Variants in ANTXR2 observed in about 807,000 individuals in gnomAD.
ANTXR2 encodes the protein anthrax toxin receptor 2.
In ANTXR2, 44 loss-of-function variants were observed where a neutral mutation model predicts 73.7. The observed-to-expected ratio is 0.60, with a 90% CI of 0.47 to 0.77. The LOEUF is 0.77. Ranked by LOEUF, ANTXR2 falls within the 30% of genes least tolerant of loss-of-function variation. The pLI is 0.00. For synonymous variants in ANTXR2, 217 were observed against 205.9 expected (o/e 1.05, Z -0.46); for missense variants, 604 against 592.5 (o/e 1.02, Z -0.20).
intron 10 of ANTXR2, among the ~76,000 whole-genome samples, chr4:80,028,187 T>A (rs1460557636): frequency 6.6e-6 from 1 of 152,092 alleles, no homozygotes; most frequent in Non-Finnish European, 1.5e-5. Flanking sequence ...TAAATACAGA[T>A]CTCTGTATCA....
intron 16 of ANTXR2, among the ~76,000 whole-genome samples, chr4:79,912,213 T>C (rs547981531): frequency 6.6e-6 from 1 of 151,952 alleles, no homozygotes; most frequent in African/African-American, 2.4e-5. Context: ...CTTTATGCTA[T>C]AGCGAAATAC....
intron 3 of ANTXR2, among the ~76,000 whole-genome samples, chr4:80,067,553 C>G (rs879517334): frequency 3.9e-5 from 6 of 152,106 alleles, no homozygotes; most frequent in Non-Finnish European, 5.9e-5. Context: ...TGGCTAGATA[C>G]AAGGCTGTTT....
chr4:80,008,935 T>C (rs780041908), intron 11 of ANTXR2, among the ~76,000 whole-genome samples: 1 of 152,216 alleles, frequency 6.6e-6, no homozygotes, highest in Non-Finnish European at 1.5e-5. Flanking sequence ...CTATCTTTCA[T>C]GTAAGGATTA....
intron 2 of ANTXR2, among the ~76,000 whole-genome samples, chr4:80,070,521 TG>T (rs1254014112): frequency 1.3e-5 from 2 of 152,230 alleles, no homozygotes; most frequent in Non-Finnish European, 2.9e-5. Flanking sequence ...CATAGGATCT[TG>T]TTTGTTTTTC....
chr4:80,048,697 G>A (rs1015552441), intron 7 of ANTXR2, among the ~76,000 whole-genome samples: 3 of 151,658 alleles, frequency 2.0e-5, no homozygotes, highest in African/African-American at 4.8e-5. Context: ...AAGAGAAAAT[G>A]TGTTTGCAAT....
chr4:79,915,079 T>C (rs1322190031), intron 16 of ANTXR2, among the ~76,000 whole-genome samples: 2 of 152,190 alleles, frequency 1.3e-5, no homozygotes, highest in Non-Finnish European at 2.9e-5. Context: ...GGGAAGCTTA[T>C]TGACATTTTC....
intron 16 of ANTXR2, among the ~76,000 whole-genome samples, chr4:79,937,255 G>T (rs76221650): frequency 0.1 from 15,864 of 151,882 alleles, 2,696 homozygotes; most frequent in African/African-American, 0.36. Context: ...TTCACATTTG[G>T]CTCAACTAAG....
At chr4:80,011,875 T>C (rs372880929) in intron 11 of ANTXR2, among the ~76,000 whole-genome samples, 113 of 152,346 alleles carry the variant, frequency 7.4e-4, no homozygotes, top group African/African-American at 2.6e-3. Flanking sequence ...GGGATTAGTG[T>C]ATTCAGGGAC....
intron 11 of ANTXR2, among the ~76,000 whole-genome samples, chr4:80,011,663 T>C (rs1439290928): frequency 6.6e-6 from 1 of 152,166 alleles, no homozygotes. Context: ...CTTAAGTCCA[T>C]AGTTTGCAAC....
At chr4:80,023,280 T>C (rs931189745) in intron 10 of ANTXR2, among the ~76,000 whole-genome samples, 1 of 152,184 alleles carries the variant, frequency 6.6e-6, no homozygotes. Context: ...ATGACCTTGA[T>C]TAAATCCAAC....
intron 12 of ANTXR2, among the ~76,000 whole-genome samples, chr4:79,988,974 A>G (rs1730335551): frequency 6.6e-6 from 1 of 152,144 alleles, no homozygotes; most frequent in Admixed American, 6.6e-5. Context: ...ACATCACAGA[A>G]TCTCTGGGAC....
chr4:80,040,061 A>T (rs1733160497), intron 7 of ANTXR2, among the ~76,000 whole-genome samples: 1 of 151,970 alleles, frequency 6.6e-6, no homozygotes, highest in African/African-American at 2.4e-5. Context: ...TGGGAGCTAA[A>T]TATTGGGTAC....
Position 79,909,338 on chromosome 4 carries a change from C to T in ANTXR2, c.1429-1871G>A, listed in dbSNP as rs553101317. ...ATAATGATTCTTCTGTGACCACTTCCGTTCTATATACCATATTAACTTTAG... is the reference window on the plus strand; with the variant it reads ...ATAATGATTCTTCTGTGACCACTTCTGTTCTATATACCATATTAACTTTAG... On this transcript the variant is annotated intron_variant, in intron 16 of 16. Coordinates refer to ENST00000403729, the MANE Select transcript of ANTXR2 (RefSeq NM_058172.6). Among the ~76,000 whole-genome samples the T allele has an allele frequency of 1.5e-4, 23 of 152,184 alleles. No homozygotes were observed. In the South Asian group the frequency reaches 3.5e-3, roughly 23 times the overall value.
At chr4:79,918,945 T>A (rs977866189) in intron 16 of ANTXR2, among the ~76,000 whole-genome samples, 1 of 152,162 alleles carries the variant, frequency 6.6e-6, no homozygotes, top group Non-Finnish European at 1.5e-5. Context: ...AATGTTCGCA[T>A]ATTGTTCTTG....
intron 16 of ANTXR2, among the ~76,000 whole-genome samples, chr4:79,951,760 T>A (rs577660094): frequency 3.9e-5 from 6 of 152,274 alleles, no homozygotes; most frequent in African/African-American, 1.4e-4. Flanking sequence ...CAAGATTAAC[T>A]CAACTCTCTC....
intron 10 of ANTXR2, among the ~76,000 whole-genome samples, chr4:80,029,322 T>C: frequency 6.7e-6 from 1 of 149,712 alleles, no homozygotes; most frequent in East Asian, 2.5e-4. Flanking sequence ...TAGTCACTAT[T>C]ATTTGAAAGC....
At chr4:79,937,176 T>C (rs1357234348) in intron 16 of ANTXR2, among the ~76,000 whole-genome samples, 1 of 152,110 alleles carries the variant, frequency 6.6e-6, no homozygotes. Flanking sequence ...ACAGTAGCAT[T>C]AAAAAAACCA....
chr4:79,934,917 C>T (rs1053402341), intron 16 of ANTXR2, among the ~76,000 whole-genome samples: 1 of 151,350 alleles, frequency 6.6e-6, no homozygotes, highest in Admixed American at 6.6e-5. Context: ...GAGACCTTGT[C>T]TGCTTTCAGG....
intron 10 of ANTXR2, among the ~76,000 whole-genome samples, chr4:80,025,563 CAA>C: frequency 6.6e-6 from 1 of 152,162 alleles, no homozygotes; most frequent in East Asian, 1.9e-4. Flanking sequence ...GGCAGCTACT[CAA>C]AAAGTTATTA....
Sources: allele counts gnomAD v4.1 joint callset (sites outside exome capture counted in the v4.1 genomes callset), GRCh38; gene constraint gnomAD v4.1.1; transcripts MANE v1.5; gene names NCBI Gene and HGNC (gene_info 2026-07-23, HGNC 2026-07-21).